The following FSD1L variants were observed in gnomAD, a reference collection of about 807,000 sequenced individuals.
The protein encoded by FSD1L is fibronectin type III and SPRY domain containing 1 like, also known as FSD1-like protein.
A neutral mutation model predicts 71.6 loss-of-function variants in FSD1L; 45 were observed. That is an observed-to-expected ratio of 0.63 (90% CI 0.49 to 0.81). The LOEUF is 0.81. Among genes scored for constraint, FSD1L ranks in the 30% least tolerant of loss-of-function variants. The pLI is 0.00. For synonymous variants in FSD1L, 197 were observed against 207.2 expected, an observed-to-expected ratio of 0.95 and a Z score of 0.42; for missense variants, 561 against 618.1, an observed-to-expected ratio of 0.91 and a Z score of 0.98.
chr9:105,533,803 AACCTCTG>A (rs891469407), intron 10 of FSD1L, among the ~76,000 whole-genome samples: 7 of 150,452 alleles, frequency 4.7e-5, no homozygotes, highest in Admixed American at 4.0e-4. Flanking sequence ...GCTCACCCGC[AACCTCTG>A]ACTCCTGGGT....
chr9:105,524,491 C>A, intron 10 of FSD1L: 3 of 1,613,590 alleles, frequency 1.9e-6, no homozygotes, highest in Non-Finnish European at 2.5e-6. Flanking sequence ...CCATTTCATG[C>A]TACGGGAGCA....
intron 7 of FSD1L, among the ~76,000 whole-genome samples, chr9:105,505,061 C>G (rs933423841): frequency 6.6e-6 from 1 of 152,158 alleles, no homozygotes; most frequent in South Asian, 2.1e-4. Flanking sequence ...TTTATATTAG[C>G]ATTTACTCTT....
chr9:105,547,518 GA>G lies in FSD1L; in HGVS notation c.*1042del, dbSNP rs1015328908. On this transcript the variant is annotated 3_prime_UTR_variant, in exon 14 of 14. Transcript: ENST00000481272. ...ATGGAATGCTTTAAGCAATTGTTTT[GA>G]AAAAAATCTGCGTATCTTTGACTTA... 1.3e-5 allele frequency: 2 copies of G among 151,770 alleles called. No homozygotes were observed. Among genetic ancestry groups the G allele is most frequent in the African/African-American group, 2.4e-5 (1 of 41,376 alleles). 9.4% of individuals were successfully genotyped at this position (151,770 alleles called of 1,614,324 possible).
chr9:105,481,179 G>GTGTGTGT (rs71364100), intron 6 of FSD1L, among the ~76,000 whole-genome samples: 63 of 115,288 alleles, frequency 5.5e-4, no homozygotes, highest in East Asian at 9.4e-4. Context: ...GTGTGTGTGT[G>GTGTGTGT]GTTCTTTTTT....
chr9:105,520,362 A>G (rs1281329794), intron 10 of FSD1L: 23 of 1,214,356 alleles, frequency 1.9e-5, no homozygotes, highest in Non-Finnish European at 2.3e-5. Context: ...AGTGAAAAAA[A>G]GAATGCAGAA....
At chr9:105,453,956 C>T (rs1043920868) in intron 1 of FSD1L, among the ~76,000 whole-genome samples, 1 of 152,142 alleles carries the variant, frequency 6.6e-6, no homozygotes, top group African/African-American at 2.4e-5. Context: ...AATCTGGTTT[C>T]AGTTATTGAT....
chr9:105,543,085 G>A (rs1836733781), intron 13 of FSD1L, among the ~76,000 whole-genome samples: 1 of 152,022 alleles, frequency 6.6e-6, no homozygotes, highest in African/African-American at 2.4e-5. Flanking sequence ...AGTTGCTTTT[G>A]TATTTTGGGA....
intron 10 of FSD1L, chr9:105,523,399 C>A (rs1428031581): frequency 1.2e-6 from 2 of 1,603,738 alleles, no homozygotes; most frequent in East Asian, 4.5e-5. Context: ...AGTGTGATGG[C>A]AGGAGGTACT....
At chr9:105,522,679 G>A (rs1013480955) in intron 10 of FSD1L, 27 of 1,611,874 alleles carry the variant, frequency 1.7e-5, no homozygotes, top group East Asian at 2.2e-5. Context: ...ACTGTTGAAC[G>A]AGCCAAAGTC....
At chr9:105,492,030 G>A (rs949263760) in intron 7 of FSD1L, among the ~76,000 whole-genome samples, 11 of 151,902 alleles carry the variant, frequency 7.2e-5, no homozygotes, top group Non-Finnish European at 1.5e-4. Flanking sequence ...AGTTAGGGAG[G>A]ATTCCTTCTT....
intron 5 of FSD1L, among the ~76,000 whole-genome samples, chr9:105,478,116 G>A (rs1831933444): frequency 6.6e-6 from 1 of 152,214 alleles, no homozygotes; most frequent in Non-Finnish European, 1.5e-5. Context: ...GTGGTGGCGG[G>A]TCCCTGTAGT....
intron 7 of FSD1L, among the ~76,000 whole-genome samples, chr9:105,492,605 T>G (rs571710337): frequency 5.9e-5 from 9 of 152,224 alleles, no homozygotes; most frequent in Non-Finnish European, 5.9e-5. Context: ...GTGTGAATTT[T>G]GGATCTTTTC....
At chr9:105,542,253 C>G (rs1302286398) in intron 13 of FSD1L, among the ~76,000 whole-genome samples, 1 of 152,048 alleles carries the variant, frequency 6.6e-6, no homozygotes, top group Non-Finnish European at 1.5e-5. Flanking sequence ...CATATCCTTG[C>G]CATTATTTGA....
rs968115814 is a variant in FSD1L, at chr9:105,448,053, G to C, written c.-168G>C. The C allele has an allele frequency of 1.5e-5, 11 of 726,048 alleles. No individual in the cohort carries two copies. The highest frequency in any genetic ancestry group is 2.6e-5 in the Non-Finnish European group (11 of 425,444). 45.0% of individuals were successfully genotyped at this position (726,048 alleles called of 1,614,324 possible). Reference sequence around the variant, plus strand: ...GCCGCCCTTTCACCCTGGCAACCGCGGCGTGACTACGGCGCGCGCGGTCTG... The same window carrying C: ...GCCGCCCTTTCACCCTGGCAACCGCCGCGTGACTACGGCGCGCGCGGTCTG... On this transcript the variant is annotated 5_prime_UTR_variant, in exon 1 of 14. Transcript: ENST00000481272.
chr9:105,455,226 A>G (rs959822350), intron 1 of FSD1L, among the ~76,000 whole-genome samples: 1 of 152,188 alleles, frequency 6.6e-6, no homozygotes, highest in Non-Finnish European at 1.5e-5. Flanking sequence ...TGTCCAGCCC[A>G]CTGCCACTGG....
At chr9:105,522,169 G>A (rs1299516748) in intron 10 of FSD1L, 25 of 1,613,818 alleles carry the variant, frequency 1.5e-5, no homozygotes, top group East Asian at 2.2e-5. Flanking sequence ...TACATCTCCC[G>A]AGAACTTTGG....
intron 8 of FSD1L, among the ~76,000 whole-genome samples, chr9:105,506,863 C>G (rs1482109216): frequency 6.6e-6 from 1 of 151,798 alleles, no homozygotes; most frequent in Admixed American, 6.6e-5. Context: ...CCTCCGCCTC[C>G]TGGGTTCAAG....
chr9:105,497,294 T>G (rs1395406732), intron 7 of FSD1L, among the ~76,000 whole-genome samples: 1 of 152,190 alleles, frequency 6.6e-6, no homozygotes, highest in Non-Finnish European at 1.5e-5. Flanking sequence ...TTTTCACATC[T>G]AATTTATGAG....
chr9:105,474,110 T>G (rs557019138), intron 5 of FSD1L, among the ~76,000 whole-genome samples: 2 of 152,188 alleles, frequency 1.3e-5, no homozygotes, highest in Non-Finnish European at 2.9e-5. Flanking sequence ...GTGGGAACAT[T>G]AGAGTGTAAT....
Sources: gnomAD v4.1 joint callset for allele counts (sites outside exome capture counted in the v4.1 genomes callset) on GRCh38, gnomAD v4.1.1 for gene constraint, MANE v1.5 for transcripts, NCBI Gene and HGNC (gene_info 2026-07-23, HGNC 2026-07-21) for gene names.